Variants in PDLIM1 observed in about 807,000 individuals in gnomAD.
The protein encoded by PDLIM1 is PDZ and LIM domain protein 1.
Under a neutral mutation model 35.2 loss-of-function variants are expected in PDLIM1, and 25 were observed. That is an observed-to-expected ratio of 0.71 (90% CI 0.52 to 0.99). The LOEUF (loss-of-function observed/expected upper bound fraction) is 0.99. Ranked by LOEUF, PDLIM1 falls within the 50% of genes least tolerant of loss-of-function variation. The probability of loss-of-function intolerance (pLI) is 0.00; values close to 1 mark genes in which losing one functional copy is unlikely to be tolerated. For synonymous variants in PDLIM1, 152 were observed against 154.0 expected, an observed-to-expected ratio of 0.99 and a Z score of 0.10; for missense variants, 363 against 415.3, an observed-to-expected ratio of 0.87 and a Z score of 1.09.
In PDLIM1 at chr10:95,290,829, G is replaced by T; in HGVS notation, c.87C>A (p.Ala29=). Reference sequence around the variant, plus strand: ...TCCCAGCTGCTCTTACCCGGGAAATGGCGAGAGGCTGCTCGAAGTCCTTGC... The same window carrying T: ...TCCCAGCTGCTCTTACCCGGGAAATTGCGAGAGGCTGCTCGAAGTCCTTGC... ...VGGKDFEQPL[A]ISRVTPGSKA... is the part of the protein sequence containing the mutation. Residue 29 remains alanine (A), a synonymous_variant, in exon 1 of 7, where the codon GCC becomes GCA. Coordinates refer to ENST00000329399, the MANE Select transcript of PDLIM1 (RefSeq NM_020992.4). The surrounding 1 kb of genome is among the most constrained non-coding windows in gnomAD (Gnocchi z 4.7). The T allele has an allele frequency of 6.4e-7, 1 of 1,561,340 alleles. No individual in the cohort carries two copies. The highest frequency in any genetic ancestry group is 8.7e-7 in the Non-Finnish European group (1 of 1,152,982).
In PDLIM1 at chr10:95,274,232, AC is replaced by A. The variant is rs571528822; in HGVS notation, c.97-2449del. On this transcript the variant is annotated intron_variant, in intron 1 of 6. Coordinates refer to ENST00000329399, the MANE Select transcript of PDLIM1 (RefSeq NM_020992.4). ...CATCTTCCAAGTGTCTGTGTAAACA[AC>A]CCTTCTTCTCAAAGAGGCCTTCCTT... Among the ~76,000 whole-genome samples the A allele has an allele frequency of 1.7e-3, 259 of 148,878 alleles. 2 individuals are homozygous for A. The highest frequency in any genetic ancestry group is 6.5e-3 in the Admixed American group (98 of 14,964).
At chr10:95,276,918 A>AC (rs1429862362) in intron 1 of PDLIM1, among the ~76,000 whole-genome samples, 6 of 150,680 alleles carry the variant, frequency 4.0e-5, no homozygotes, top group Middle Eastern at 3.4e-3. Flanking sequence ...AAAAAAAAAA[A>AC]AAAAAACTTC....
intron 1 of PDLIM1, among the ~76,000 whole-genome samples, chr10:95,282,816 C>T (rs1449163539): frequency 1.3e-5 from 2 of 152,080 alleles, no homozygotes; most frequent in Non-Finnish European, 2.9e-5. Flanking sequence ...TGATGGCGCA[C>T]GCTTGTAATC....
intron 4 of PDLIM1, among the ~76,000 whole-genome samples, chr10:95,255,252 A>C (rs994483242): frequency 6.6e-6 from 1 of 151,888 alleles, no homozygotes; most frequent in African/African-American, 2.4e-5. Flanking sequence ...CTCTTCCAAA[A>C]AACTGAAGAG....
intron 5 of PDLIM1, among the ~76,000 whole-genome samples, chr10:95,243,031 G>A (rs947209324): frequency 6.6e-6 from 1 of 152,210 alleles, no homozygotes; most frequent in African/African-American, 2.4e-5. Flanking sequence ...CAGGAAAGAA[G>A]AGAGGCTGCA....
chr10:95,263,863 C>CG lies in PDLIM1; in HGVS notation c.533dup (p.Asp180ArgfsTer16). On this transcript the variant is annotated frameshift_variant and splice_region_variant. Transcript: ENST00000329399. LOFTEE classifies it high-confidence loss of function. ...CAGAGGAGGACTCCTGGGCTACTTA[C>CG]GGTCTGCTGTTCGCCTCCACCCCGC... The CG allele has an allele frequency of 6.2e-7, 1 of 1,606,290 alleles. No individual in the cohort carries two copies. Among genetic ancestry groups the CG allele is most frequent in the Non-Finnish European group, 8.5e-7 (1 of 1,175,306 alleles).
At chr10:95,264,118 G>T (rs1402559318) in intron 3 of PDLIM1, 55 bp from the exon 4 acceptor site, 3 of 1,464,780 alleles carry the variant, frequency 2.0e-6, no homozygotes, top group African/African-American at 1.4e-5. Context: ...CAAACCCCTT[G>T]ATGGGCAGTG....
At chr10:95,268,938 G>GCC in intron 2 of PDLIM1, 76 bp from the exon 3 acceptor site, 1 of 1,063,206 alleles carries the variant, frequency 9.4e-7, no homozygotes, top group Non-Finnish European at 1.5e-6. Flanking sequence ...CTGGAAAAAT[G>GCC]CCCCCTCTTT....
Position 95,268,843 on chromosome 10 carries a change from AC to A in PDLIM1, c.267del (p.Trp89CysfsTer5). On this transcript the variant is annotated frameshift_variant, in exon 3 of 7. Transcript: ENST00000329399. LOFTEE classifies it high-confidence loss of function. ...LTVARSEHKV[W>X]SPLVTEEGKR... ...TTCCCTTCCTCCGTCACCAGAGGAG[AC>A]CAGACTTTATGTTCAGATCTGCAAC... The A allele has an allele frequency of 6.2e-7, 1 of 1,610,654 alleles. No homozygotes were observed. The highest frequency in any genetic ancestry group is 8.5e-7 in the Non-Finnish European group (1 of 1,176,842).
intron 1 of PDLIM1, among the ~76,000 whole-genome samples, chr10:95,289,490 G>T (rs529989418): frequency 2.6e-5 from 4 of 152,270 alleles, no homozygotes; most frequent in Non-Finnish European, 5.9e-5. Context: ...ACTCTTTTAG[G>T]GGGGTGAGAT....
At chr10:95,275,764 GT>G (rs1036377823) in intron 1 of PDLIM1, among the ~76,000 whole-genome samples, 62 of 152,276 alleles carry the variant, frequency 4.1e-4, no homozygotes, top group African/African-American at 1.4e-3. Flanking sequence ...GGTTCCAACT[GT>G]TTTGTGGGAG....
chr10:95,247,580 C>A, intron 4 of PDLIM1: 1 of 451,362 alleles, frequency 2.2e-6, no homozygotes, highest in Middle Eastern at 5.7e-4. Flanking sequence ...CAATCAGAGG[C>A]TCTTCTTCTA....
At position 95,247,285 on chromosome 10, in the gene PDLIM1, C is replaced by T; in HGVS notation, c.615G>A (p.Glu205=). 6.2e-7 allele frequency: 1 copy of T among 1,614,070 alleles called. No homozygotes were observed. The change falls in exon 5 of 7, where the codon GAG becomes GAA. Residue 205 remains glutamate, a synonymous_variant. Coordinates refer to ENST00000329399, the MANE Select transcript of PDLIM1 (RefSeq NM_020992.4). ...TGGACTGTTTCGGGGGCTCATTCAA[C>T]TCCTGTTTCTCCTGAAGCATCTTGT... ...EVYKMLQEKQ[E]LNEPPKQSTS...
At chr10:95,247,718 A>G (rs1205930412) in intron 4 of PDLIM1, 1 of 173,312 alleles carries the variant, frequency 5.8e-6, no homozygotes, top group Non-Finnish European at 1.2e-5. Context: ...GTCAACCACA[A>G]GCCAACCATG....
intron 4 of PDLIM1, among the ~76,000 whole-genome samples, chr10:95,257,542 T>C (rs1002687954): frequency 2.6e-5 from 4 of 152,088 alleles, no homozygotes; most frequent in African/African-American, 9.7e-5. Context: ...TTAACAAGCA[T>C]ATGAAAAGAT....
In PDLIM1 at chr10:95,263,852, T is replaced by G. The variant is rs770657223; in HGVS notation, c.533+12A>C. 3.1e-6 allele frequency: 5 copies of G among 1,601,106 alleles called. No individual in the cohort carries two copies. The East Asian group carries it at 1.1e-4, about 36-fold the overall frequency. ...CAGGAGCGGCTCAGAGGAGGACTCCTGGGCTACTTACGGTCTGCTGTTCGC... is the reference window on the plus strand; with the variant it reads ...CAGGAGCGGCTCAGAGGAGGACTCCGGGGCTACTTACGGTCTGCTGTTCGC... On this transcript the variant is annotated intron_variant, in intron 4 of 6. Coordinates refer to ENST00000329399, the MANE Select transcript of PDLIM1 (RefSeq NM_020992.4).
At chr10:95,258,100 T>G (rs1176521887) in intron 4 of PDLIM1, among the ~76,000 whole-genome samples, 3 of 152,074 alleles carry the variant, frequency 2.0e-5, no homozygotes, top group East Asian at 1.9e-4. Flanking sequence ...TGAAGGGAGC[T>G]CCTCTTTTTA....
chr10:95,287,297 C>T (rs2035611385), intron 1 of PDLIM1, among the ~76,000 whole-genome samples: 1 of 152,230 alleles, frequency 6.6e-6, no homozygotes, highest in South Asian at 2.1e-4. Context: ...AAACCCTTCT[C>T]TTTCAATCTT....
chr10:95,274,886 G>T (rs537915018), intron 1 of PDLIM1, among the ~76,000 whole-genome samples: 1 of 152,176 alleles, frequency 6.6e-6, no homozygotes, highest in Non-Finnish European at 1.5e-5. Flanking sequence ...AGAAATTTTA[G>T]TGTATAGTTT....
Sources: allele counts gnomAD v4.1 joint callset (sites outside exome capture counted in the v4.1 genomes callset), GRCh38; gene constraint gnomAD v4.1.1; non-coding constraint Gnocchi (gnomAD v3.1); transcripts MANE v1.5; gene names NCBI Gene and HGNC (gene_info 2026-07-23, HGNC 2026-07-21).